The following RASGEF1A variants were observed in gnomAD, a reference collection of about 807,000 sequenced individuals.
The protein encoded by RASGEF1A is ras-GEF domain-containing family member 1A.
Under a neutral mutation model 56.4 loss-of-function variants are expected in RASGEF1A, and 18 were observed. The observed-to-expected ratio is 0.32, with a 90% CI of 0.22 to 0.47. The LOEUF is 0.47. RASGEF1A is among the 20% of genes least tolerant of loss of function. The pLI is 1.00. For missense variants in RASGEF1A, 422 were observed against 627.1 expected (o/e 0.67, Z 3.49); for synonymous variants, 245 against 242.6 (o/e 1.01, Z -0.09).
At chr10:43,241,208 A>C (rs1268409920) in intron 1 of RASGEF1A, among the ~76,000 whole-genome samples, 1 of 152,220 alleles carries the variant, frequency 6.6e-6, no homozygotes, top group Non-Finnish European at 1.5e-5. Context: ...AAGATAGTAT[A>C]AACACATTTT....
rs1006166588 is a variant in RASGEF1A, at chr10:43,244,297, C to G, written c.-7+22548G>C. ...TAGGAAAACCAGAGACCTTTGTTCTCGTGTTTATCTGCTGACCTTCTCTCC... is the reference window on the plus strand; with the variant it reads ...TAGGAAAACCAGAGACCTTTGTTCTGGTGTTTATCTGCTGACCTTCTCTCC... On this transcript the variant is annotated intron_variant, in intron 1 of 12. Coordinates refer to ENST00000395810, the MANE Select transcript of RASGEF1A (RefSeq NM_145313.4). Among the ~76,000 whole-genome samples the G allele has an allele frequency of 2.0e-5, 3 of 151,406 alleles. 1 individual carries two copies. The highest frequency in any genetic ancestry group is 4.4e-5 in the Non-Finnish European group (3 of 67,704).
intron 1 of RASGEF1A, among the ~76,000 whole-genome samples, chr10:43,257,041 G>T (rs748388253): frequency 1.3e-5 from 2 of 152,176 alleles, no homozygotes; most frequent in Non-Finnish European, 2.9e-5. Flanking sequence ...CATGCCTGGC[G>T]TGCATGGCCT....
At chr10:43,210,171 C>T (rs114640994) in intron 1 of RASGEF1A, among the ~76,000 whole-genome samples, 5 of 152,220 alleles carry the variant, frequency 3.3e-5, no homozygotes, top group African/African-American at 1.2e-4. Flanking sequence ...GTAAGCTGCA[C>T]CGGCTAACTC....
chr10:43,200,788 C>T lies in RASGEF1A; in HGVS notation c.560G>A (p.Arg187Gln), dbSNP rs766989032. The change falls in exon 5 of 13, where the codon CGG (arginine) becomes CAG (glutamine). Residue 187 changes from arginine to glutamine, a missense_variant. Physicochemically the swap from Arg to Gln is conservative, Grantham distance 43. This residue lies in a region of RASGEF1A where 273 missense variants were observed against 339.9 expected (regional missense o/e 0.80). Coordinates refer to ENST00000395810, the MANE Select transcript of RASGEF1A (RefSeq NM_145313.4). ...GGGCCCCTTGTCTACAGCCGGTGGC[C>T]GGAGCTTCTCTCGCAGTTCCTGGAG... Reference protein sequence around the residue: ...SQLQELREKLRPPAVDKGPIL... With the variant: ...SQLQELREKLQPPAVDKGPIL... The T allele has an allele frequency of 8.7e-6, 14 of 1,613,796 alleles. No individual in the cohort carries two copies. Among genetic ancestry groups the T allele is most frequent in the East Asian group, 6.7e-5 (3 of 44,894 alleles).
chr10:43,197,172 T>TAG, intron 10 of RASGEF1A, 73 bp from the exon 11 acceptor site: 1 of 1,557,282 alleles, frequency 6.4e-7, no homozygotes, highest in South Asian at 1.2e-5. Context: ...GCAGGGGACG[T>TAG]AGGTTTTGGC....
At chr10:43,253,721 C>A (rs1840652877) in intron 1 of RASGEF1A, among the ~76,000 whole-genome samples, 1 of 152,250 alleles carries the variant, frequency 6.6e-6, no homozygotes, top group African/African-American at 2.4e-5. Context: ...CAACAGACAC[C>A]TGCGTGACCA....
intron 1 of RASGEF1A, among the ~76,000 whole-genome samples, chr10:43,231,231 G>A (rs967002830): frequency 5.9e-5 from 9 of 152,254 alleles, no homozygotes; most frequent in Non-Finnish European, 1.0e-4. Context: ...GTGGCATCAG[G>A]ATGGTCTGGG....
intron 1 of RASGEF1A, among the ~76,000 whole-genome samples, chr10:43,252,383 G>C (rs1440301387): frequency 6.6e-6 from 1 of 152,154 alleles, no homozygotes; most frequent in Non-Finnish European, 1.5e-5. Flanking sequence ...AGGAGTCAAG[G>C]GCCTGGCCAG....
At chr10:43,203,501 G>A (rs1260924172) in intron 2 of RASGEF1A, 81 bp from the exon 3 acceptor site, 2 of 1,446,444 alleles carry the variant, frequency 1.4e-6, no homozygotes, top group East Asian at 2.7e-5. Flanking sequence ...CACCTGGCCC[G>A]GCTGCCTCCC....
rs374834665 is a variant in RASGEF1A, at chr10:43,198,224, A to G, written c.1033-29T>C. Reference sequence around the variant, plus strand: ...TGGGCACAGGGAGGACCTGGTGAGCATCACAGCCCCATGCCCCTCCGACCT... The same window carrying G: ...TGGGCACAGGGAGGACCTGGTGAGCGTCACAGCCCCATGCCCCTCCGACCT... On this transcript the variant is annotated intron_variant, in intron 9 of 12. Transcript: ENST00000395810. The G allele has an allele frequency of 7.6e-6, 12 of 1,581,718 alleles. No individual in the cohort carries two copies. In the African/African-American group the frequency reaches 1.2e-4, roughly 16 times the overall value.
rs1273312748 is a variant in RASGEF1A, at chr10:43,195,235, C to G, written c.*1009G>C. 6.6e-6 allele frequency: 1 copy of G among 152,306 alleles called. No homozygotes were observed. The highest frequency in any genetic ancestry group is 1.9e-4 in the East Asian group (1 of 5,204). 9.4% of individuals were successfully genotyped at this position (152,306 alleles called of 1,614,324 possible). ...GGGAAAATGGAGTGTGCTCCTCTAG[C>G]TGGGTGTAGAAAACACCTCTCAGTA... On this transcript the variant is annotated 3_prime_UTR_variant, in exon 13 of 13. Transcript: ENST00000395810. The surrounding 1 kb of genome is among the most constrained non-coding windows in gnomAD (Gnocchi z 4.2).
At chr10:43,250,301 T>C (rs1450544449) in intron 1 of RASGEF1A, among the ~76,000 whole-genome samples, 2 of 152,134 alleles carry the variant, frequency 1.3e-5, no homozygotes, top group Non-Finnish European at 2.9e-5. Context: ...GGAGAGCACC[T>C]GTCATGGACA....
intron 1 of RASGEF1A, among the ~76,000 whole-genome samples, chr10:43,248,822 G>A (rs1248114260): frequency 6.6e-6 from 1 of 152,194 alleles, no homozygotes; most frequent in Admixed American, 6.5e-5. Flanking sequence ...CTAGGCAGTG[G>A]AATATGGTCA....
chr10:43,266,413 A>T (rs528034711), intron 1 of RASGEF1A, among the ~76,000 whole-genome samples: 9 of 152,194 alleles, frequency 5.9e-5, no homozygotes, highest in Admixed American at 3.3e-4. Flanking sequence ...AATGCAGAAG[A>T]GCAAATGGAA....
chr10:43,245,953 AAAG>A (rs1195826659), intron 1 of RASGEF1A, among the ~76,000 whole-genome samples: 2 of 152,178 alleles, frequency 1.3e-5, no homozygotes, highest in African/African-American at 4.8e-5. Flanking sequence ...CCCATATTGA[AAAG>A]AAGAAGTAAA....
intron 2 of RASGEF1A, 111 bp from the exon 3 acceptor site, chr10:43,203,531 C>T (rs1477413083): frequency 3.5e-6 from 5 of 1,422,842 alleles, no homozygotes; most frequent in East Asian, 2.7e-5. Flanking sequence ...ACCGCCGGTC[C>T]CGAGGCCATG....
In RASGEF1A at chr10:43,233,439, G is replaced by A. The variant is rs73256085; in HGVS notation, c.-6-27317C>T. Among the ~76,000 whole-genome samples the A allele has an allele frequency of 5.8e-3, 882 of 152,206 alleles. 8 individuals carry two copies. Among genetic ancestry groups the A allele is most frequent in the African/African-American group, 0.02 (828 of 41,528 alleles). ...ACTCATGTAAATAAAAAAGTCAGAA[G>A]ACTCAATTTTTTACAAATGGGCAAA... On this transcript the variant is annotated intron_variant, in intron 1 of 12. Transcript: ENST00000395810.
intron 2 of RASGEF1A, 102 bp downstream of exon 2, chr10:43,205,817 G>T: frequency 2.0e-6 from 2 of 982,314 alleles, no homozygotes; most frequent in Non-Finnish European, 3.1e-6. Context: ...CTGCAGCCCT[G>T]TCCAGCTCTA....
chr10:43,206,860 G>C (rs1330813946), intron 1 of RASGEF1A: 1 of 985,820 alleles, frequency 1.0e-6, no homozygotes, highest in East Asian at 1.1e-4. Flanking sequence ...AACTGGCTTT[G>C]GGGCCTGTGA....
Sources: allele counts gnomAD v4.1 joint callset (sites outside exome capture counted in the v4.1 genomes callset), GRCh38; gene constraint gnomAD v4.1.1; regional missense constraint gnomAD v4.1.1; non-coding constraint Gnocchi (gnomAD v3.1); transcripts MANE v1.5; gene names NCBI Gene and HGNC (gene_info 2026-07-23, HGNC 2026-07-21).